Variants in AFAP1 observed in about 807,000 individuals in gnomAD.
The protein encoded by AFAP1 is actin filament associated protein 1.
Under a neutral mutation model 93.9 loss-of-function variants are expected in AFAP1, and 75 were observed. The observed-to-expected ratio is 0.80, with a 90% CI of 0.66 to 0.97. The LOEUF (loss-of-function observed/expected upper bound fraction) is 0.97. Among genes scored for constraint, AFAP1 ranks in the 50% least tolerant of loss-of-function variants. The pLI, the probability that AFAP1 is intolerant of heterozygous loss-of-function variation, is 0.00. For missense variants in AFAP1, 1,201 were observed against 1,050.8 expected, an observed-to-expected ratio of 1.14 and a Z score of -1.98; for synonymous variants, 517 against 430.7, an observed-to-expected ratio of 1.20 and a Z score of -2.48.
At chr4:7,910,135 G>C (rs1719645732) in intron 1 of AFAP1, among the ~76,000 whole-genome samples, 3 of 152,160 alleles carry the variant, frequency 2.0e-5, no homozygotes, top group African/African-American at 7.2e-5. Flanking sequence ...TGAAAATTCA[G>C]AATCAGGGAA....
chr4:7,843,213 C>A lies in AFAP1; in HGVS notation c.472G>T (p.Ala158Ser), dbSNP rs1713268488. ...AACCGCTTCTTCCGCAGCAGGAAGG[C>A]GCAGATTTTGGCGTCCTTGACCAGG... ...MDLVKDAKICAFLLRKKRFGQ... is the reference protein window; with the variant it reads ...MDLVKDAKICSFLLRKKRFGQ... The change falls in exon 5 of 18, where the codon GCC (alanine) becomes TCC (serine). Residue 158 changes from alanine (A) to serine (S), a missense_variant. By Grantham distance (99) the Ala-to-Ser change is moderately conservative. Transcript: ENST00000420658. 1 of 1,614,182 alleles carries A rather than the reference C, an allele frequency of 6.2e-7. No homozygotes were observed. The highest frequency in any genetic ancestry group is 8.5e-7 in the Non-Finnish European group (1 of 1,180,042).
intron 9 of AFAP1, among the ~76,000 whole-genome samples, chr4:7,801,914 CAAAAAAAAAAAAAAAA>C: frequency 1.5e-5 from 1 of 65,198 alleles, no homozygotes; most frequent in South Asian, 9.8e-4. Context: ...GACCCTATCA[CAAAAAAAAAAAAAAAA>C]AAAAAAAAAA....
chr4:7,854,751 A>C (rs1714858712), intron 4 of AFAP1, among the ~76,000 whole-genome samples: 2 of 152,156 alleles, frequency 1.3e-5, no homozygotes, highest in South Asian at 2.1e-4. Flanking sequence ...GGATTCCATT[A>C]GTTGACATAC....
At chr4:7,842,538 G>T (rs1357263490) in intron 5 of AFAP1, 1 of 152,024 alleles carries the variant, frequency 6.6e-6, no homozygotes, top group Non-Finnish European at 1.5e-5. Context: ...GGGAGGGAGT[G>T]GGGAGGAGGA....
At chr4:7,888,852 A>T (rs1371045380) in intron 1 of AFAP1, among the ~76,000 whole-genome samples, 1 of 152,026 alleles carries the variant, frequency 6.6e-6, no homozygotes, top group Admixed American at 6.6e-5. Context: ...GTGCAGTGGC[A>T]TGATCTCGGC....
intron 12 of AFAP1, among the ~76,000 whole-genome samples, chr4:7,784,243 G>T (rs947259526): frequency 6.6e-6 from 1 of 152,082 alleles, no homozygotes; most frequent in African/African-American, 2.4e-5. Flanking sequence ...CGCCTAAGAT[G>T]GGGGGCTCTA....
At chr4:7,926,602 G>A (rs895779611) in intron 1 of AFAP1, among the ~76,000 whole-genome samples, 1 of 152,220 alleles carries the variant, frequency 6.6e-6, no homozygotes, top group Non-Finnish European at 1.5e-5. Flanking sequence ...GGACTATTTA[G>A]AGTGTAGTTT....
chr4:7,841,768 T>C (rs1472751699), intron 5 of AFAP1, among the ~76,000 whole-genome samples: 2 of 152,294 alleles, frequency 1.3e-5, no homozygotes, highest in Middle Eastern at 3.4e-3. Flanking sequence ...TTTCCACTAA[T>C]TTCTTCTTAT....
chr4:7,861,120 G>A (rs959248139), intron 3 of AFAP1, among the ~76,000 whole-genome samples: 6 of 152,218 alleles, frequency 3.9e-5, no homozygotes, highest in Non-Finnish European at 5.9e-5. Context: ...TATCTACAGT[G>A]ACACCTCCAG....
At chr4:7,913,605 C>G (rs1371153665) in intron 1 of AFAP1, among the ~76,000 whole-genome samples, 2 of 152,092 alleles carry the variant, frequency 1.3e-5, no homozygotes, top group Non-Finnish European at 2.9e-5. Context: ...TGGACAACAA[C>G]TAAAAATGTG....
At chr4:7,799,756 C>G (rs1034363897) in intron 10 of AFAP1, among the ~76,000 whole-genome samples, 1 of 152,092 alleles carries the variant, frequency 6.6e-6, no homozygotes, top group Non-Finnish European at 1.5e-5. Flanking sequence ...AGAATGTTTT[C>G]TATGATGAAA....
chr4:7,884,805 C>T (rs13140108), intron 1 of AFAP1, among the ~76,000 whole-genome samples: 65,226 of 152,038 alleles, frequency 0.43, 16,620 homozygotes, highest in Non-Finnish European at 0.6. Flanking sequence ...CAAAATCAGA[C>T]GTAAAAAGAA....
chr4:7,793,902 A>T lies in AFAP1; in HGVS notation c.1267-76T>A, dbSNP rs1375816870. 5.1e-6 allele frequency: 7 copies of T among 1,373,336 alleles called. No individual in the cohort carries two copies. In the African/African-American group the frequency reaches 8.6e-5, roughly 17 times the overall value. 85.1% of individuals were successfully genotyped at this position (1,373,336 alleles called of 1,614,324 possible). A position where few individuals can be genotyped will look rare whatever the true frequency, so the allele number is the denominator to read the frequency against. ...TTTTCATAAATGTGTCAATAAAGAG[A>T]CCACATAATAGGAAAGGCGATGAAA... On this transcript the variant is annotated intron_variant, in intron 10 of 17. Transcript: ENST00000420658.
At chr4:7,887,921 GGTTC>G (rs1718225365) in intron 1 of AFAP1, among the ~76,000 whole-genome samples, 1 of 152,066 alleles carries the variant, frequency 6.6e-6, no homozygotes, top group Non-Finnish European at 1.5e-5. Flanking sequence ...CTGTCTCACA[GGTTC>G]AAGCGATACT....
chr4:7,887,798 G>T (rs1718216910), intron 1 of AFAP1, among the ~76,000 whole-genome samples: 1 of 151,636 alleles, frequency 6.6e-6, no homozygotes, highest in African/African-American at 2.4e-5. Flanking sequence ...TTTTTAAATT[G>T]TCATACTATT....
intron 7 of AFAP1, among the ~76,000 whole-genome samples, chr4:7,818,405 G>T (rs1720674538): frequency 6.6e-6 from 1 of 152,162 alleles, no homozygotes; most frequent in Non-Finnish European, 1.5e-5. Flanking sequence ...CAGGCAAAAA[G>T]GGATCTGTCT....
intron 3 of AFAP1, among the ~76,000 whole-genome samples, chr4:7,861,348 C>T (rs959361257): frequency 6.6e-6 from 1 of 152,200 alleles, no homozygotes; most frequent in South Asian, 2.1e-4. Context: ...GGAATCCATG[C>T]CGCTGAAGGA....
At chr4:7,771,940 C>G (rs1715499427) in intron 16 of AFAP1, among the ~76,000 whole-genome samples, 1 of 152,086 alleles carries the variant, frequency 6.6e-6, no homozygotes, top group South Asian at 2.1e-4. Context: ...CGGTAGGGGC[C>G]AGCAAGTGAC....
chr4:7,858,915 T>C (rs1461608617), intron 3 of AFAP1, among the ~76,000 whole-genome samples: 9 of 152,186 alleles, frequency 5.9e-5, no homozygotes, highest in Non-Finnish European at 1.3e-4. Context: ...GCTGACCCCA[T>C]GTCCTCCCAA....
Sources: allele counts gnomAD v4.1 joint callset (sites outside exome capture counted in the v4.1 genomes callset), GRCh38; gene constraint gnomAD v4.1.1; transcripts MANE v1.5; gene names NCBI Gene and HGNC (gene_info 2026-07-23, HGNC 2026-07-21).